The following PARD3 variants were observed in gnomAD, a reference collection of about 807,000 sequenced individuals.
The protein encoded by PARD3 is partitioning defective 3 homolog.
In PARD3, 75 loss-of-function variants were observed where a neutral mutation model predicts 155.4. That is an observed-to-expected ratio of 0.48 (90% confidence interval 0.40 to 0.58). The LOEUF is 0.58. PARD3 is among the 20% of genes least tolerant of loss of function. The pLI is 0.00. For synonymous variants in PARD3, 576 were observed against 610.5 expected (o/e 0.94, Z 0.83); for missense variants, 1,642 against 1,721.7 (o/e 0.95, Z 0.82).
chr10:34,647,925 G>A (rs1159473204), intron 2 of PARD3, among the ~76,000 whole-genome samples: 1 of 152,192 alleles, frequency 6.6e-6, no homozygotes, highest in Non-Finnish European at 1.5e-5. Flanking sequence ...AAACCTCAGA[G>A]AATGGGATCA....
At chr10:34,249,470 C>A (rs375179418) in intron 22 of PARD3, among the ~76,000 whole-genome samples, 1 of 152,176 alleles carries the variant, frequency 6.6e-6, no homozygotes, top group Admixed American at 6.5e-5. Flanking sequence ...ATTTCATAAT[C>A]TGGAAGAAAT....
chr10:34,572,154 G>GT (rs2086464938), intron 2 of PARD3, among the ~76,000 whole-genome samples: 1 of 151,972 alleles, frequency 6.6e-6, no homozygotes, highest in Non-Finnish European at 1.5e-5. Flanking sequence ...GGAAGAAAAA[G>GT]ATTTGTCTCA....
At chr10:34,429,194 G>A (rs1248685578) in intron 5 of PARD3, among the ~76,000 whole-genome samples, 2 of 151,984 alleles carry the variant, frequency 1.3e-5, no homozygotes. Context: ...TCAGAAACTC[G>A]GAAAATGAAT....
intron 2 of PARD3, among the ~76,000 whole-genome samples, chr10:34,680,770 T>G (rs1038994909): frequency 3.0e-5 from 4 of 131,540 alleles, no homozygotes; most frequent in Admixed American, 9.1e-5. Context: ...CACTCATAGG[T>G]GGGAATTGAA....
intron 21 of PARD3, among the ~76,000 whole-genome samples, chr10:34,271,991 G>A (rs550218293): frequency 6.6e-6 from 1 of 152,278 alleles, no homozygotes; most frequent in South Asian, 2.1e-4. Flanking sequence ...CCAAACTTTC[G>A]TTTATGTAGA....
At chr10:34,543,100 CT>C (rs35082383) in intron 2 of PARD3, among the ~76,000 whole-genome samples, 18 of 148,308 alleles carry the variant, frequency 1.2e-4, no homozygotes, top group Admixed American at 3.4e-4. Flanking sequence ...TTTTTAAAGG[CT>C]TTTTTTTTTC....
At chr10:34,173,619 C>A (rs987244365) in intron 22 of PARD3, among the ~76,000 whole-genome samples, 1 of 152,166 alleles carries the variant, frequency 6.6e-6, no homozygotes, top group Non-Finnish European at 1.5e-5. Flanking sequence ...ATATACCACA[C>A]CTGTATATCA....
intron 22 of PARD3, among the ~76,000 whole-genome samples, chr10:34,186,451 T>C: frequency 6.6e-6 from 1 of 152,030 alleles, no homozygotes; most frequent in East Asian, 1.9e-4. Flanking sequence ...AGGCTGGAAT[T>C]TGGACCATTG....
intron 1 of PARD3, among the ~76,000 whole-genome samples, chr10:34,762,025 A>G (rs1224863922): frequency 6.6e-6 from 1 of 152,196 alleles, no homozygotes; most frequent in Non-Finnish European, 1.5e-5. Flanking sequence ...TCACGAAGCT[A>G]TTTTGAAGCC....
At chr10:34,716,455 A>G (rs1015891058) in intron 1 of PARD3, among the ~76,000 whole-genome samples, 2 of 152,220 alleles carry the variant, frequency 1.3e-5, no homozygotes, top group Non-Finnish European at 2.9e-5. Context: ...CTCAAACAAC[A>G]ATAAAACTTG....
At chr10:34,338,553 A>C (rs1836451188) in intron 16 of PARD3, among the ~76,000 whole-genome samples, 1 of 152,202 alleles carries the variant, frequency 6.6e-6, no homozygotes, top group Non-Finnish European at 1.5e-5. Context: ...AATTTATGAT[A>C]GTCTTCCTCA....
intron 9 of PARD3, among the ~76,000 whole-genome samples, chr10:34,378,504 T>G (rs1038074255): frequency 4.6e-5 from 7 of 152,046 alleles, no homozygotes; most frequent in Admixed American, 3.3e-4. Context: ...ACATCCAAAT[T>G]TTAAGGGTAG....
chr10:34,121,833 A>G (rs1947021392), intron 23 of PARD3, among the ~76,000 whole-genome samples: 1 of 152,256 alleles, frequency 6.6e-6, no homozygotes, highest in Admixed American at 6.5e-5. Flanking sequence ...ACTCACTGGA[A>G]CAAATGTGTA....
chr10:34,785,929 T>G (rs907616704), intron 1 of PARD3, among the ~76,000 whole-genome samples: 1 of 152,160 alleles, frequency 6.6e-6, no homozygotes, highest in African/African-American at 2.4e-5. Flanking sequence ...CCTGAAAATG[T>G]AGGACCAGTT....
intron 21 of PARD3, among the ~76,000 whole-genome samples, chr10:34,271,037 A>T (rs145751596): frequency 2.6e-5 from 4 of 152,204 alleles, no homozygotes; most frequent in Non-Finnish European, 5.9e-5. Context: ...TCTCCTTTAT[A>T]TACTTACAAA....
chr10:34,644,311 C>A (rs1449502482), intron 2 of PARD3, among the ~76,000 whole-genome samples: 1 of 152,198 alleles, frequency 6.6e-6, no homozygotes, highest in Non-Finnish European at 1.5e-5. Flanking sequence ...CTTTACCCAG[C>A]TCAGTGGGAC....
At chr10:34,300,604 AC>A (rs1269339860) in intron 20 of PARD3, among the ~76,000 whole-genome samples, 1 of 151,134 alleles carries the variant, frequency 6.6e-6, no homozygotes, top group African/African-American at 2.4e-5. Context: ...AGCCTGTCCG[AC>A]CTGGGTGACA....
At chr10:34,682,552 C>A (rs1286792937) in intron 2 of PARD3, among the ~76,000 whole-genome samples, 2 of 152,066 alleles carry the variant, frequency 1.3e-5, no homozygotes, top group Non-Finnish European at 2.9e-5. Context: ...GGTTTGTTTG[C>A]TCGCTTGTTT....
At chr10:34,744,296 A>G (rs1835034348) in intron 1 of PARD3, among the ~76,000 whole-genome samples, 1 of 152,256 alleles carries the variant, frequency 6.6e-6, no homozygotes, top group South Asian at 2.1e-4. Flanking sequence ...TTTAATACAT[A>G]GTCACCATGA....
Sources: gnomAD v4.1 joint callset for allele counts (sites outside exome capture counted in the v4.1 genomes callset) on GRCh38, gnomAD v4.1.1 for gene constraint, MANE v1.5 for transcripts, NCBI Gene and HGNC (gene_info 2026-07-23, HGNC 2026-07-21) for gene names.